Variants in UBTD2 observed in about 807,000 individuals in gnomAD.
UBTD2 encodes the protein ubiquitin domain containing 2.
Under a neutral mutation model 19.8 loss-of-function variants are expected in UBTD2, and 9 were observed. The observed-to-expected ratio is 0.46, with a 90% CI of 0.27 to 0.79. The LOEUF (loss-of-function observed/expected upper bound fraction) is 0.79. Ranked by LOEUF, UBTD2 falls within the 30% of genes least tolerant of loss-of-function variation. The probability of loss-of-function intolerance (pLI) is 0.14; values close to 1 mark genes in which losing one functional copy is unlikely to be tolerated. For synonymous variants in UBTD2, 98 were observed against 103.9 expected (o/e 0.94, Z 0.35); for missense variants, 250 against 300.4 (o/e 0.83, Z 1.24).
At position 172,261,299 on chromosome 5, in the gene UBTD2, G is replaced by A. The variant is rs887470537; in HGVS notation, c.70+22297C>T. Among the ~76,000 whole-genome samples, 12 of 152,248 alleles carry A rather than the reference G, an allele frequency of 7.9e-5. No individual in the cohort carries two copies. In the South Asian group the frequency reaches 1.7e-3, roughly 21 times the overall value. The stretch of plus-strand genomic sequence containing the variant: ...TTGGGACAAGCACCACTTTATAACC[G>A]AGATAGATTTTCCAAAACTCCACTA... On this transcript the variant is annotated intron_variant, in intron 1 of 2. Coordinates refer to ENST00000393792, the MANE Select transcript of UBTD2 (RefSeq NM_152277.3).
chr5:172,283,460 G>T lies in UBTD2; in HGVS notation c.70+136C>A. The T allele has an allele frequency of 1.5e-6, 1 of 655,358 alleles. No individual in the cohort carries two copies. The highest frequency in any genetic ancestry group is 2.1e-6 in the Non-Finnish European group (1 of 470,546). The allele number at this position is 655,358 out of a possible 1,614,324, so 40.6% of individuals were successfully genotyped here. ...GCGGCTGGCAGGACAGCCGGAAGCG[G>T]AGCGCGGGGAATGACGTGGAAGAGG... On this transcript the variant is annotated intron_variant, in intron 1 of 2. Transcript: ENST00000393792. The surrounding 1 kb of genome is among the most constrained non-coding windows in gnomAD (Gnocchi z 4.3).
At chr5:172,263,349 T>G (rs949195921) in intron 1 of UBTD2, among the ~76,000 whole-genome samples, 7 of 151,864 alleles carry the variant, frequency 4.6e-5, no homozygotes, top group African/African-American at 1.7e-4. Context: ...ATAACAAGAG[T>G]TGGGAAGGGA....
chr5:172,216,999 A>C (rs562670737), intron 2 of UBTD2, among the ~76,000 whole-genome samples: 1 of 152,074 alleles, frequency 6.6e-6, no homozygotes, highest in South Asian at 2.1e-4. Context: ...ACAAAGACAG[A>C]ATTACATATC....
intron 1 of UBTD2, among the ~76,000 whole-genome samples, chr5:172,241,024 TG>T (rs1772116149): frequency 6.6e-6 from 1 of 151,786 alleles, no homozygotes; most frequent in African/African-American, 2.4e-5. Flanking sequence ...TTTTACTGGT[TG>T]GGGGCAATGG....
chr5:172,226,083 C>T (rs62381993), intron 2 of UBTD2, among the ~76,000 whole-genome samples: 8 of 151,942 alleles, frequency 5.3e-5, no homozygotes, highest in Non-Finnish European at 8.8e-5. Context: ...GGACCACAGG[C>T]GCCTGCCACC....
At chr5:172,220,065 T>C (rs1380164202) in intron 2 of UBTD2, among the ~76,000 whole-genome samples, 3 of 152,126 alleles carry the variant, frequency 2.0e-5, no homozygotes, top group Non-Finnish European at 4.4e-5. Context: ...CTCATGAACA[T>C]AGACTGAAAA....
At chr5:172,272,679 CATT>C (rs1755518086) in intron 1 of UBTD2, among the ~76,000 whole-genome samples, 1 of 152,196 alleles carries the variant, frequency 6.6e-6, no homozygotes, top group South Asian at 2.1e-4. Context: ...TTAACATTCT[CATT>C]AGAGGACTCA....
chr5:172,253,011 T>C (rs1755060550), intron 1 of UBTD2, among the ~76,000 whole-genome samples: 1 of 152,186 alleles, frequency 6.6e-6, no homozygotes, highest in Admixed American at 6.5e-5. Context: ...AAGACAGAAG[T>C]ATCTTAGATG....
chr5:172,247,704 T>C (rs1318408233), intron 1 of UBTD2, among the ~76,000 whole-genome samples: 2 of 152,130 alleles, frequency 1.3e-5, no homozygotes, highest in African/African-American at 4.8e-5. Context: ...AAGCACAGAA[T>C]TGAAGGGAGA....
chr5:172,276,206 GATT>G (rs1444865841), intron 1 of UBTD2, among the ~76,000 whole-genome samples: 1 of 151,988 alleles, frequency 6.6e-6, no homozygotes, highest in East Asian at 1.9e-4. Flanking sequence ...TGAGGGCAGA[GATT>G]TTTTTTTCCC....
At chr5:172,281,847 T>C (rs781353909) in intron 1 of UBTD2, among the ~76,000 whole-genome samples, 8 of 152,178 alleles carry the variant, frequency 5.3e-5, no homozygotes, top group Non-Finnish European at 1.2e-4. Context: ...GTGGTTAATG[T>C]TCCTTTTTCT....
At chr5:172,266,221 G>A (rs995286072) in intron 1 of UBTD2, among the ~76,000 whole-genome samples, 1 of 152,070 alleles carries the variant, frequency 6.6e-6, no homozygotes, top group African/African-American at 2.4e-5. Flanking sequence ...GTGAGCCACC[G>A]CACCTGGCCA....
chr5:172,265,065 C>G (rs531495819), intron 1 of UBTD2, among the ~76,000 whole-genome samples: 85 of 152,218 alleles, frequency 5.6e-4, no homozygotes, highest in Non-Finnish European at 1.2e-3. Context: ...ATAGGCTATA[C>G]ATGCAATTAA....
chr5:172,249,930 T>G (rs1754959795), intron 1 of UBTD2, among the ~76,000 whole-genome samples: 1 of 152,208 alleles, frequency 6.6e-6, no homozygotes, highest in Admixed American at 6.5e-5. Flanking sequence ...AAAACCTACA[T>G]GTAATGTCAT....
chr5:172,270,529 T>C (rs1755467818), intron 1 of UBTD2, among the ~76,000 whole-genome samples: 1 of 151,936 alleles, frequency 6.6e-6, no homozygotes, highest in Non-Finnish European at 1.5e-5. Flanking sequence ...CTAATTTTTT[T>C]GTATTTTAGT....
rs947462105 is a variant in UBTD2 at position 172,262,466 on chromosome 5, A to C, written c.70+21130T>G. 2.0e-5 allele frequency among the ~76,000 whole-genome samples: 3 copies of C among 151,138 alleles called. No homozygotes were observed. In the Admixed American group the frequency reaches 2.0e-4, roughly 10 times the overall value. On this transcript the variant is annotated intron_variant, in intron 1 of 2. Transcript: ENST00000393792. The stretch of plus-strand genomic sequence containing the variant: ...TCCACCAAAAAAAAAAAAAAAAAAA[A>C]AACAAGAAAATGTATATGAAGATTC...
intron 1 of UBTD2, among the ~76,000 whole-genome samples, chr5:172,253,320 T>A (rs1159279974): frequency 6.6e-6 from 1 of 152,250 alleles, no homozygotes; most frequent in African/African-American, 2.4e-5. Context: ...ACTATGCTCA[T>A]AAAAGCTTTG....
rs1251404138 is a variant in UBTD2, at chr5:172,283,675, C to G, written c.-10G>C. On this transcript the variant is annotated 5_prime_UTR_variant, in exon 1 of 3. Coordinates refer to ENST00000393792, the MANE Select transcript of UBTD2 (RefSeq NM_152277.3). This position sits in a 1 kb window ranked among gnomAD's most constrained non-coding sequence, Gnocchi z 4.3. ...CCACACACCCGCCCATGGGGGCCCC[C>G]GGCGCCTCGTCCGCCACCTCCGGAC... 2 of 1,234,506 alleles carry G rather than the reference C, an allele frequency of 1.6e-6. No homozygotes were observed. Among genetic ancestry groups the G allele is most frequent in the Non-Finnish European group, 2.0e-6 (2 of 985,534 alleles). The allele number at this position is 1,234,506 out of a possible 1,614,324, so 76.5% of individuals were successfully genotyped here.
intron 1 of UBTD2, among the ~76,000 whole-genome samples, chr5:172,250,497 C>T (rs528054935): frequency 4.3e-4 from 66 of 152,180 alleles, no homozygotes; most frequent in South Asian, 4.2e-3. Flanking sequence ...TATAAAATAA[C>T]TGGCCTGTCC....
Sources: allele counts gnomAD v4.1 joint callset (sites outside exome capture counted in the v4.1 genomes callset), GRCh38; gene constraint gnomAD v4.1.1; non-coding constraint Gnocchi (gnomAD v3.1); transcripts MANE v1.5; gene names NCBI Gene and HGNC (gene_info 2026-07-23, HGNC 2026-07-21).